ZNF90: variants seen among roughly 807,000 people sequenced by gnomAD.
ZNF90 encodes zinc finger protein 90, also known as zinc finger protein HTF9.
ZNF90 carries 11 observed loss-of-function variants against 12.0 expected under a neutral mutation model. That is an observed-to-expected ratio of 0.92 (90% CI 0.58 to 1.52). ZNF90 has a LOEUF of 1.52. Ranked by LOEUF, ZNF90 falls within the 40% of genes most tolerant of loss-of-function variation. The probability of loss-of-function intolerance (pLI) is 0.00; values close to 1 mark genes in which losing one functional copy is unlikely to be tolerated. For synonymous variants in ZNF90, 232 were observed against 240.1 expected (o/e 0.97, Z 0.31); for missense variants, 765 against 711.5 (o/e 1.08, Z -0.86).
At chr19:20,117,690 G>T (rs540566820) in intron 3 of ZNF90, 91 bp from the exon 4 acceptor site, 1 of 1,416,974 alleles carries the variant, frequency 7.1e-7, no homozygotes, top group East Asian at 2.6e-5. Flanking sequence ...TTTTCATTTT[G>T]CCCAAGATGA....
At chr19:20,106,987 C>T (rs2089044954) in intron 3 of ZNF90, 1 of 454,424 alleles carries the variant, frequency 2.2e-6, no homozygotes, top group Non-Finnish European at 4.4e-6. Flanking sequence ...AGGGCAGACA[C>T]TAGGGCATGT....
rs782467256 is a variant in ZNF90, at chr19:20,105,346, A to G, written c.226+30A>G. The G allele has an allele frequency of 5.7e-6, 9 of 1,566,382 alleles. No individual in the cohort carries two copies. The South Asian group carries it at 1.0e-4, about 18-fold the overall frequency. On this transcript the variant is annotated intron_variant, in intron 3 of 3. Transcript: ENST00000418063. ...GTGCGAGTGAAAATGAATACAACAGACAACACAGATAAGAGGTCCCAAGGT... is the reference window on the plus strand; with the variant it reads ...GTGCGAGTGAAAATGAATACAACAGGCAACACAGATAAGAGGTCCCAAGGT...
chr19:20,119,626 T>TC lies in ZNF90; in HGVS notation c.*266_*267insC, dbSNP rs2089178965. ...GCCTATAACAAGTTCTCAATTCTTTTTTTTTTTTTTTAAGAAGGAGTTTCA... is the reference window on the plus strand; with the variant it reads ...GCCTATAACAAGTTCTCAATTCTTTTCTTTTTTTTTTTAAGAAGGAGTTTCA... On this transcript the variant is annotated 3_prime_UTR_variant, in exon 4 of 4. Transcript: ENST00000418063. The TC allele has an allele frequency of 3.4e-6, 1 of 292,698 alleles. No individual in the cohort carries two copies. Among genetic ancestry groups the TC allele is most frequent in the African/African-American group, 2.2e-5 (1 of 45,126 alleles). The allele number at this position is 292,698 out of a possible 1,614,324, so 18.1% of individuals were successfully genotyped here.
At position 20,110,856 on chromosome 19, in the gene ZNF90, T is replaced by G. The variant is rs201758575; in HGVS notation, c.226+5540T>G. Reference sequence around the variant, plus strand: ...TTTCTAATGAAAACTTGTTTATCTATTTCTAAATTAAGTTATTCACCTTTA... The same window carrying G: ...TTTCTAATGAAAACTTGTTTATCTAGTTCTAAATTAAGTTATTCACCTTTA... On this transcript the variant is annotated intron_variant, in intron 3 of 3. Coordinates refer to ENST00000418063, the MANE Select transcript of ZNF90 (RefSeq NM_007138.2). Among the ~76,000 whole-genome samples, 3 of 152,316 alleles carry G rather than the reference T, an allele frequency of 2.0e-5. No homozygotes were observed. The East Asian group carries it at 5.8e-4, about 29-fold the overall frequency.
chr19:20,117,437 T>TTCCC (rs1212100428), intron 3 of ZNF90: 6 of 147,722 alleles, frequency 4.1e-5, no homozygotes, highest in African/African-American at 1.3e-4. Context: ...CCTTCCCTCC[T>TTCCC]TCCCTCCCTC....
Position 20,118,535 on chromosome 19 carries a change from C to T in ZNF90, c.981C>T (p.Ile327=). ...GCAAAGCCTTCAAGCTCTCCTCAAT[C>T]CTTAGTACACATAAGAGAATCCATA... ...ECGKAFKLSS[I]LSTHKRIHTG... Residue 327 remains isoleucine (I), a synonymous_variant, in exon 4 of 4, where the codon ATC becomes ATT. Transcript: ENST00000418063. 6.2e-7 allele frequency: 1 copy of T among 1,609,656 alleles called. No homozygotes were observed. Among genetic ancestry groups the T allele is most frequent in the South Asian group, 1.1e-5 (1 of 90,800 alleles).
At chr19:20,106,945 C>T (rs1555704547) in intron 3 of ZNF90, 1 of 454,536 alleles carries the variant, frequency 2.2e-6, no homozygotes. Context: ...TATTTTTGGA[C>T]AGGCTGAATA....
chr19:20,102,389 C>G (rs556074385), intron 1 of ZNF90, among the ~76,000 whole-genome samples: 6 of 152,252 alleles, frequency 3.9e-5, no homozygotes, highest in African/African-American at 1.4e-4. Flanking sequence ...TACCATTGCT[C>G]TCTTTAAAAT....
intron 3 of ZNF90, among the ~76,000 whole-genome samples, chr19:20,107,604 C>A (rs1385338814): frequency 6.6e-6 from 1 of 152,136 alleles, no homozygotes; most frequent in Non-Finnish European, 1.5e-5. Flanking sequence ...AACCATAATA[C>A]CTTTTTCTCT....
At chr19:20,090,607 T>C (rs914880352) in intron 1 of ZNF90, among the ~76,000 whole-genome samples, 3 of 152,176 alleles carry the variant, frequency 2.0e-5, no homozygotes, top group East Asian at 1.9e-4. Flanking sequence ...CAACTGATCG[T>C]CCAGCTAGGT....
chr19:20,117,761 G>C lies in ZNF90; in HGVS notation c.227-20G>C, dbSNP rs1568293966. On this transcript the variant is annotated intron_variant, in intron 3 of 3. Coordinates refer to ENST00000418063, the MANE Select transcript of ZNF90 (RefSeq NM_007138.2). The stretch of plus-strand genomic sequence containing the variant: ...CAGAATCTAGCAATTGAAGTAATGT[G>C]TTCTTATTGTTTCTTTCAGTTATGT... The C allele has an allele frequency of 6.8e-7, 1 of 1,481,320 alleles. No homozygotes were observed. The highest frequency in any genetic ancestry group is 8.9e-7 in the Non-Finnish European group (1 of 1,119,372). The allele number at this position is 1,481,320 out of a possible 1,614,324, so 91.8% of individuals were successfully genotyped here. A position where few individuals can be genotyped will look rare whatever the true frequency, so the allele number is the denominator to read the frequency against.
intron 1 of ZNF90, among the ~76,000 whole-genome samples, chr19:20,082,782 A>G (rs570177408): frequency 6.6e-6 from 1 of 152,320 alleles, no homozygotes; most frequent in East Asian, 1.9e-4. Context: ...GAGGAGGATT[A>G]GTAAAAGAGA....
intron 1 of ZNF90, among the ~76,000 whole-genome samples, chr19:20,083,907 C>T (rs2088839662): frequency 6.6e-6 from 1 of 151,946 alleles, no homozygotes; most frequent in African/African-American, 2.4e-5. Flanking sequence ...GCGTTACCAC[C>T]CCTGGCCAAT....
chr19:20,112,788 G>GT lies in ZNF90; in HGVS notation c.227-4985dup, dbSNP rs1490884841. Among the ~76,000 whole-genome samples, 53 of 151,276 alleles carry GT rather than the reference G, an allele frequency of 3.5e-4. No individual in the cohort carries two copies. In the Middle Eastern group the frequency reaches 0.01, roughly 29 times the overall value. On this transcript the variant is annotated intron_variant, in intron 3 of 3. Transcript: ENST00000418063. ...AATTTGGGAAGTTCTCAACTTTTTT[G>GT]TTTTTTTTAATCTTCAAGTACTTCT...
At chr19:20,085,352 C>T (rs918715990) in intron 1 of ZNF90, among the ~76,000 whole-genome samples, 13 of 150,390 alleles carry the variant, frequency 8.6e-5, no homozygotes, top group African/African-American at 2.5e-4. Flanking sequence ...CTCCGCCTCC[C>T]GGGTTCATGC....
chr19:20,107,115 A>G, intron 3 of ZNF90: 1 of 415,816 alleles, frequency 2.4e-6, no homozygotes, highest in Non-Finnish European at 4.8e-6. Flanking sequence ...TGTGGGCAGA[A>G]TTGGCCATGA....
chr19:20,088,458 G>C (rs2088877278), intron 1 of ZNF90, among the ~76,000 whole-genome samples: 1 of 152,142 alleles, frequency 6.6e-6, no homozygotes, highest in Non-Finnish European at 1.5e-5. Flanking sequence ...AGAAAAATGG[G>C]TATTAAAGGA....
chr19:20,099,446 CG>C (rs2088973069), intron 1 of ZNF90, among the ~76,000 whole-genome samples: 1 of 152,186 alleles, frequency 6.6e-6, no homozygotes, highest in South Asian at 2.1e-4. Context: ...ATGGGAGGAA[CG>C]GTCTATCATC....
chr19:20,087,772 T>G (rs2088870427), intron 1 of ZNF90, among the ~76,000 whole-genome samples: 1 of 152,094 alleles, frequency 6.6e-6, no homozygotes, highest in African/African-American at 2.4e-5. Context: ...TTGGGCTGAG[T>G]CCGAAAAGAG....
Sources: gnomAD v4.1 joint callset for allele counts (sites outside exome capture counted in the v4.1 genomes callset) on GRCh38, gnomAD v4.1.1 for gene constraint, MANE v1.5 for transcripts, NCBI Gene and HGNC (gene_info 2026-07-23, HGNC 2026-07-21) for gene names.